Variants in EVL observed in about 807,000 individuals in gnomAD.
EVL encodes Enah/Vasp-like, also known as ena/VASP-like protein.
A neutral mutation model predicts 59.6 loss-of-function variants in EVL; 21 were observed. The ratio of observed to expected loss-of-function variants is 0.35; its 90% CI spans 0.25 to 0.51. The LOEUF (loss-of-function observed/expected upper bound fraction) is 0.51, where lower values mean the gene tolerates loss of function less well. Among genes scored for constraint, EVL ranks in the 20% least tolerant of loss-of-function variants. The probability of loss-of-function intolerance (pLI) is 0.97; values close to 1 mark genes in which losing one functional copy is unlikely to be tolerated. For missense variants in EVL, 462 were observed against 546.6 expected (o/e 0.85, Z 1.54); for synonymous variants, 198 against 203.5 (o/e 0.97, Z 0.23).
At chr14:100,123,789 C>T (rs1327374213) in intron 4 of EVL, among the ~76,000 whole-genome samples, 187 bp downstream of exon 4, 1 of 152,190 alleles carries the variant, frequency 6.6e-6, no homozygotes, top group Admixed American at 6.5e-5. Flanking sequence ...GCCGCTGGTC[C>T]CGGACACCAA....
intron 3 of EVL, among the ~76,000 whole-genome samples, chr14:100,117,044 G>A (rs1359933737): frequency 6.6e-6 from 1 of 152,232 alleles, no homozygotes; most frequent in Non-Finnish European, 1.5e-5. Context: ...GGGACCAAGG[G>A]AGGCCTGGAG....
rs148620269 is a variant in EVL at position 100,030,344 on chromosome 14, C to G, written c.6-54343C>G. 3.0e-3 allele frequency among the ~76,000 whole-genome samples: 462 copies of G among 152,168 alleles called. 3 individuals are homozygous for G. The highest frequency in any genetic ancestry group is 0.01 in the African/African-American group (425 of 41,520). ...CTCAAACTCCCGACCTCAGGTGATC[C>G]GCCTGCCTCAGCCTCCCAAAGGGTT... On this transcript the variant is annotated intron_variant, in intron 1 of 13. Transcript: ENST00000402714.
At chr14:99,990,259 A>G (rs2060866702) in intron 1 of EVL, among the ~76,000 whole-genome samples, 1 of 152,246 alleles carries the variant, frequency 6.6e-6, no homozygotes, top group African/African-American at 2.4e-5. Flanking sequence ...ATCTTCTGGC[A>G]TATACTAGGG....
intron 1 of EVL, among the ~76,000 whole-genome samples, chr14:100,052,062 C>T (rs1038479984): frequency 2.6e-5 from 4 of 152,180 alleles, no homozygotes; most frequent in Non-Finnish European, 4.4e-5. Context: ...TAAAAAATAA[C>T]GGAAGGGCAG....
In EVL at chr14:100,027,785, G is replaced by A. The variant is rs190855687; in HGVS notation, c.5+55728G>A. Among the ~76,000 whole-genome samples the A allele has an allele frequency of 1.6e-4, 24 of 152,038 alleles. No individual in the cohort carries two copies. The East Asian group carries it at 3.5e-3, about 22-fold the overall frequency. On this transcript the variant is annotated intron_variant, in intron 1 of 13. Transcript: ENST00000402714. The stretch of plus-strand genomic sequence containing the variant: ...CACCTCCCAGGTTCATGCAGTTCTC[G>A]TGCCTCAGCCTCCCAAGTAGCTGGG...
chr14:100,048,662 A>G (rs994547075), intron 1 of EVL, among the ~76,000 whole-genome samples: 1 of 152,240 alleles, frequency 6.6e-6, no homozygotes, highest in Admixed American at 6.5e-5. Context: ...ACCATTGCCA[A>G]AAACTGTGAA....
intron 1 of EVL, among the ~76,000 whole-genome samples, chr14:100,010,229 T>C (rs1025560758): frequency 3.3e-5 from 5 of 152,220 alleles, no homozygotes; most frequent in Admixed American, 1.3e-4. Context: ...TTCCTTGTTA[T>C]GCCAGAGTCA....
chr14:100,125,017 C>T (rs1312502563), intron 4 of EVL, among the ~76,000 whole-genome samples: 3 of 151,792 alleles, frequency 2.0e-5, no homozygotes, highest in Non-Finnish European at 4.4e-5. Context: ...CACACACACA[C>T]CTGCCCCAAG....
intron 1 of EVL, among the ~76,000 whole-genome samples, chr14:100,005,776 A>G (rs765784279): frequency 5.9e-5 from 9 of 152,032 alleles, no homozygotes; most frequent in Non-Finnish European, 1.3e-4. Context: ...AATTGCTACT[A>G]TTGCAGAAGT....
chr14:100,061,149 C>T (rs1266612842), upstream of EVL, among the ~76,000 whole-genome samples: 3 of 151,834 alleles, frequency 2.0e-5, no homozygotes, highest in African/African-American at 7.3e-5. Context: ...CCAGCCCTTT[C>T]GGAGGCTGAG....
Position 99,972,599 on chromosome 14 carries a change from C to T in EVL, c.5+542C>T, listed in dbSNP as rs1373445485. ...CCCCTTCGTCTCCTAATTCTCAACC[C>T]CCCTTTTTTTTCTTCTTGCACGCCA... On this transcript the variant is annotated intron_variant, in intron 1 of 13. Coordinates refer to the EVL transcript ENST00000402714. The surrounding 1 kb of genome is among the most constrained non-coding windows in gnomAD (Gnocchi z 4.4). Among the ~76,000 whole-genome samples the T allele has an allele frequency of 6.6e-6, 1 of 152,158 alleles. No homozygotes were observed. The highest frequency in any genetic ancestry group is 1.5e-5 in the Non-Finnish European group (1 of 68,028).
upstream of EVL, among the ~76,000 whole-genome samples, chr14:100,060,493 T>C (rs2061808429): frequency 1.3e-5 from 2 of 151,634 alleles, no homozygotes; most frequent in Non-Finnish European, 2.9e-5. Flanking sequence ...ATGAAAAATT[T>C]ACTGGATGAG....
chr14:99,992,961 T>C (rs1040127669), intron 1 of EVL, among the ~76,000 whole-genome samples: 1 of 152,146 alleles, frequency 6.6e-6, no homozygotes, highest in African/African-American at 2.4e-5. Context: ...ATTGAGATGA[T>C]TATATGGTTT....
intron 1 of EVL, among the ~76,000 whole-genome samples, chr14:100,077,783 GT>G (rs926876891): frequency 5.9e-5 from 9 of 151,972 alleles, no homozygotes; most frequent in Non-Finnish European, 1.3e-4. Flanking sequence ...GTTTGTTTTT[GT>G]TTTTTTGAGA....
chr14:100,092,381 T>C (rs533112250), intron 2 of EVL, among the ~76,000 whole-genome samples: 1 of 152,182 alleles, frequency 6.6e-6, no homozygotes, highest in South Asian at 2.1e-4. Flanking sequence ...AAACTACCCA[T>C]GTCCATCAGC....
At chr14:100,047,418 G>T (rs2061571477) in intron 1 of EVL, among the ~76,000 whole-genome samples, 1 of 151,940 alleles carries the variant, frequency 6.6e-6, no homozygotes, top group African/African-American at 2.4e-5. Flanking sequence ...GGGCAGAATC[G>T]TCTCCCTAGG....
rs139311866 is a variant in EVL at position 100,023,752 on chromosome 14, G to A, written c.5+51695G>A. ...GCTGGGATTACAGGCATGAGCCACC[G>A]TACCCAGCCTCCTTTTGCCTTTTTT... On this transcript the variant is annotated intron_variant, in intron 1 of 13. Transcript: ENST00000402714. Among the ~76,000 whole-genome samples the A allele has an allele frequency of 4.4e-3, 666 of 152,152 alleles. 4 individuals carry two copies. The highest frequency in any genetic ancestry group is 0.015 in the African/African-American group (633 of 41,492).
At chr14:99,986,634 G>A (rs1307628261) in intron 1 of EVL, among the ~76,000 whole-genome samples, 2 of 152,188 alleles carry the variant, frequency 1.3e-5, no homozygotes, top group African/African-American at 4.8e-5. Context: ...TATTTATTGA[G>A]TTCACTGTGC....
chr14:100,028,130 G>GTTTTTTTTTTTTTTTTTT (rs756735010), intron 1 of EVL, among the ~76,000 whole-genome samples: 9 of 99,600 alleles, frequency 9.0e-5, no homozygotes, highest in African/African-American at 3.9e-4. Context: ...TTTTTTGTTT[G>GTTTTTTTTTTTTTTTTTT]TTTGTTTTTT....
Sources: allele counts gnomAD v4.1 joint callset (sites outside exome capture counted in the v4.1 genomes callset), GRCh38; gene constraint gnomAD v4.1.1; non-coding constraint Gnocchi (gnomAD v3.1); transcripts MANE v1.5; gene names NCBI Gene and HGNC (gene_info 2026-07-23, HGNC 2026-07-21).